Variants in SKIC3 observed in about 807,000 individuals in gnomAD.
The protein encoded by SKIC3 is superkiller complex protein 3.
the SKIC3 span, among the ~76,000 whole-genome samples, chr5:95,497,037 T>G: frequency 1.3e-5 from 2 of 152,232 alleles, no homozygotes; most frequent in African/African-American, 4.8e-5. Flanking sequence ...GCCTTATCTT[T>G]AAGCTGATTT....
At chr5:95,513,571 A>G in the SKIC3 span, 8 of 1,613,284 alleles carry the variant, frequency 5.0e-6, no homozygotes, top group African/African-American at 4.0e-5. Flanking sequence ...AGATTCTTAC[A>G]TGCATATTTA....
the SKIC3 span, among the ~76,000 whole-genome samples, chr5:95,470,484 A>G: frequency 2.0e-5 from 3 of 152,212 alleles, no homozygotes; most frequent in Admixed American, 6.5e-5. Flanking sequence ...CTATTATACT[A>G]CATAGGTGAA....
the SKIC3 span, chr5:95,478,556 T>G: frequency 2.1e-6 from 3 of 1,438,466 alleles, no homozygotes; most frequent in South Asian, 1.2e-5. Context: ...TTTTTAGTTA[T>G]TGGTAAGTTC....
chr5:95,551,932 C>A, the SKIC3 span, among the ~76,000 whole-genome samples: 3 of 152,124 alleles, frequency 2.0e-5, no homozygotes, highest in Non-Finnish European at 4.4e-5. Flanking sequence ...TTGCTACTTG[C>A]CATTCCTAAA....
chr5:95,464,563 C>T, the SKIC3 span: 3 of 1,468,118 alleles, frequency 2.0e-6, no homozygotes, highest in Non-Finnish European at 2.8e-6. Flanking sequence ...TTGCTTCATT[C>T]TTACAGCTTT....
chr5:95,514,983 T>C, the SKIC3 span: 1 of 1,526,464 alleles, frequency 6.6e-7, no homozygotes, highest in Non-Finnish European at 9.0e-7. Context: ...TTAAACCGCT[T>C]ATGTTTAAAA....
the SKIC3 span, chr5:95,504,079 C>A: frequency 7.2e-4 from 3 of 4,166 alleles, no homozygotes; most frequent in Admixed American, 6.6e-3. Flanking sequence ...GAGGCCCAGG[C>A]GGGGGGTGGG....
At chr5:95,553,406 T>C in the SKIC3 span, among the ~76,000 whole-genome samples, 11 of 152,340 alleles carry the variant, frequency 7.2e-5, no homozygotes, top group South Asian at 1.7e-3. Context: ...AGAAAATACG[T>C]TCTACATTCC....
the SKIC3 span, among the ~76,000 whole-genome samples, chr5:95,469,139 A>G: frequency 6.6e-6 from 1 of 152,166 alleles, no homozygotes; most frequent in Non-Finnish European, 1.5e-5. Flanking sequence ...GATGCTTTGT[A>G]TTATATGTAG....
At chr5:95,499,962 C>A in the SKIC3 span, among the ~76,000 whole-genome samples, 1 of 151,766 alleles carries the variant, frequency 6.6e-6, no homozygotes, top group South Asian at 2.1e-4. Flanking sequence ...AACAACCAAA[C>A]TTATAAGAAT....
the SKIC3 span, among the ~76,000 whole-genome samples, chr5:95,467,394 G>A: frequency 2.6e-5 from 4 of 152,240 alleles, no homozygotes; most frequent in African/African-American, 9.6e-5. Flanking sequence ...CCCCAAGGTT[G>A]TTGGTACTCA....
chr5:95,484,887 A>G, the SKIC3 span: 4 of 1,604,988 alleles, frequency 2.5e-6, no homozygotes, highest in African/African-American at 1.3e-5. Context: ...TCTGCAATTT[A>G]TAATGTGTTC....
At chr5:95,553,907 G>T in the SKIC3 span, among the ~76,000 whole-genome samples, 9 of 152,210 alleles carry the variant, frequency 5.9e-5, no homozygotes, top group South Asian at 2.1e-4. Flanking sequence ...TGCTGCTTGA[G>T]TAACAATTCT....
At chr5:95,514,843 T>C in the SKIC3 span, 1 of 1,610,808 alleles carries the variant, frequency 6.2e-7, no homozygotes, top group Non-Finnish European at 8.5e-7. Context: ...AACTATATGT[T>C]ATATTTCTTA....
At chr5:95,541,125 C>T in the SKIC3 span, among the ~76,000 whole-genome samples, 1 of 152,084 alleles carries the variant, frequency 6.6e-6, no homozygotes, top group African/African-American at 2.4e-5. Flanking sequence ...CGCCACCATG[C>T]CCAGCTAATT....
chr5:95,517,652 T>C, the SKIC3 span, among the ~76,000 whole-genome samples: 1 of 152,160 alleles, frequency 6.6e-6, no homozygotes. Context: ...GTTAAAACTA[T>C]GCTTTTTGTG....
At chr5:95,515,284 G>A in the SKIC3 span, among the ~76,000 whole-genome samples, 9 of 152,230 alleles carry the variant, frequency 5.9e-5, no homozygotes, top group South Asian at 1.9e-3. Context: ...TAACTGGGAG[G>A]ATAAGAACTC....
chr5:95,552,633 C>T, the SKIC3 span, among the ~76,000 whole-genome samples: 1 of 152,062 alleles, frequency 6.6e-6, no homozygotes, highest in East Asian at 1.9e-4. Context: ...CCCACACTTT[C>T]CAAAGAGGGC....
chr5:95,474,332 T>A, the SKIC3 span, among the ~76,000 whole-genome samples: 9 of 152,330 alleles, frequency 5.9e-5, no homozygotes, highest in African/African-American at 2.2e-4. Flanking sequence ...ACTTATTTAG[T>A]TTAGTTTCGT....
Sources: gnomAD v4.1 joint callset for allele counts (sites outside exome capture counted in the v4.1 genomes callset) on GRCh38, gnomAD v4.1.1 for gene constraint, MANE v1.5 for transcripts, NCBI Gene and HGNC (gene_info 2026-07-23, HGNC 2026-07-21) for gene names.